Variants in EXT1 observed in about 807,000 individuals in gnomAD.
The protein encoded by EXT1 is exostosin-1.
A neutral mutation model predicts 82.5 loss-of-function variants in EXT1; 20 were observed. That is an observed-to-expected ratio of 0.24 (90% CI 0.17 to 0.35). The LOEUF (loss-of-function observed/expected upper bound fraction) is 0.35, where lower values mean the gene tolerates loss of function less well. Ranked by LOEUF, EXT1 falls within the 10% of genes least tolerant of loss-of-function variation. The pLI is 1.00. For synonymous variants in EXT1, 348 were observed against 350.8 expected, an observed-to-expected ratio of 0.99 and a Z score of 0.09; for missense variants, 757 against 936.5, an observed-to-expected ratio of 0.81 and a Z score of 2.50.
At chr8:117,842,093 T>C (rs1233355195) in intron 1 of EXT1, among the ~76,000 whole-genome samples, 1 of 152,206 alleles carries the variant, frequency 6.6e-6, no homozygotes, top group Non-Finnish European at 1.5e-5. Flanking sequence ...ATAATTATGA[T>C]GCACCCTAAA....
intron 1 of EXT1, among the ~76,000 whole-genome samples, chr8:118,087,265 A>T (rs564462279): frequency 7.9e-5 from 12 of 152,212 alleles, no homozygotes; most frequent in Non-Finnish European, 1.6e-4. Flanking sequence ...ATTCCTAGAA[A>T]GGAGCCCAAC....
rs148696236 is a variant in EXT1 at position 117,951,427 on chromosome 8, G to A, written c.963-114226C>T. Reference sequence around the variant, plus strand: ...AAGACATTTCATATTTTGTAATTCAGTAACCACAGCACCAATTTCTGAGAT... The same window carrying A: ...AAGACATTTCATATTTTGTAATTCAATAACCACAGCACCAATTTCTGAGAT... On this transcript the variant is annotated intron_variant, in intron 1 of 10. Transcript: ENST00000378204. Among the ~76,000 whole-genome samples, 40 of 152,270 alleles carry A rather than the reference G, an allele frequency of 2.6e-4. No individual in the cohort carries two copies. The East Asian group carries it at 7.3e-3, about 28-fold the overall frequency.
intron 4 of EXT1, among the ~76,000 whole-genome samples, chr8:117,827,418 T>G (rs1425733841): frequency 6.6e-6 from 1 of 152,146 alleles, no homozygotes; most frequent in Non-Finnish European, 1.5e-5. Context: ...AACACTGGAA[T>G]GTGCTCTGGA....
At chr8:117,861,243 C>T (rs1260728384) in intron 1 of EXT1, among the ~76,000 whole-genome samples, 4 of 152,178 alleles carry the variant, frequency 2.6e-5, no homozygotes, top group Admixed American at 2.0e-4. Flanking sequence ...GCATCCTTTG[C>T]GAAGTCCATT....
intron 1 of EXT1, among the ~76,000 whole-genome samples, chr8:117,937,221 AGAG>A (rs1814182093): frequency 6.6e-6 from 1 of 152,234 alleles, no homozygotes; most frequent in South Asian, 2.1e-4. Context: ...CATTTCTTTA[AGAG>A]GATTGCACGA....
intron 1 of EXT1, among the ~76,000 whole-genome samples, chr8:118,013,734 T>A (rs1725444830): frequency 6.6e-6 from 1 of 152,224 alleles, no homozygotes; most frequent in South Asian, 2.1e-4. Flanking sequence ...GTATGTCAGA[T>A]AAACAACGAA....
At chr8:117,892,649 G>C (rs536057334) in intron 1 of EXT1, among the ~76,000 whole-genome samples, 1 of 152,338 alleles carries the variant, frequency 6.6e-6, no homozygotes, top group East Asian at 1.9e-4. Flanking sequence ...GTGGAGAAGA[G>C]TTTGTAGTTG....
At chr8:117,935,041 T>C (rs1462592927) in intron 1 of EXT1, among the ~76,000 whole-genome samples, 2 of 152,074 alleles carry the variant, frequency 1.3e-5, no homozygotes, top group Non-Finnish European at 2.9e-5. Context: ...GGCTTGAAAA[T>C]CCATTCTGTT....
intron 1 of EXT1, among the ~76,000 whole-genome samples, chr8:118,072,337 A>T (rs1817110403): frequency 6.6e-6 from 1 of 152,218 alleles, no homozygotes; most frequent in Non-Finnish European, 1.5e-5. Flanking sequence ...ATTCTGATTT[A>T]GGAAACTGAT....
rs577940738 is a variant in EXT1 at position 117,858,631 on chromosome 8, T to C, written c.963-21430A>G. Among the ~76,000 whole-genome samples, 11 of 149,974 alleles carry C rather than the reference T, an allele frequency of 7.3e-5. No homozygotes were observed. The South Asian group carries it at 1.1e-3, about 14-fold the overall frequency. On this transcript the variant is annotated intron_variant, in intron 1 of 10. Coordinates refer to ENST00000378204, the MANE Select transcript of EXT1 (RefSeq NM_000127.3). ...AGGCGGAAGTTGCAGTGAGCTGAGATTGTGCCATTGCGCTCCAGCCTGGGT... is the reference window on the plus strand; with the variant it reads ...AGGCGGAAGTTGCAGTGAGCTGAGACTGTGCCATTGCGCTCCAGCCTGGGT...
chr8:117,984,423 C>T (rs1051815004), intron 1 of EXT1, among the ~76,000 whole-genome samples: 8 of 144,318 alleles, frequency 5.5e-5, no homozygotes, highest in Admixed American at 1.4e-4. Context: ...AGTGAAACTC[C>T]GTCTCAAAAA....
rs114617951 is a variant in EXT1, at chr8:117,935,742, G to A, written c.963-98541C>T. Among the ~76,000 whole-genome samples the A allele has an allele frequency of 8.9e-3, 1,349 of 152,142 alleles. 25 individuals are homozygous for A. The highest frequency in any genetic ancestry group is 0.031 in the African/African-American group (1,280 of 41,486). On this transcript the variant is annotated intron_variant, in intron 1 of 10. Coordinates refer to ENST00000378204, the MANE Select transcript of EXT1 (RefSeq NM_000127.3). ...TATTCCAATGCAAATATGTATTTCT[G>A]TAAAATTATTATTTTTATTTTAATT...
At chr8:117,807,826 T>A (rs569517282) in intron 8 of EXT1, among the ~76,000 whole-genome samples, 1 of 151,646 alleles carries the variant, frequency 6.6e-6, no homozygotes, top group South Asian at 2.1e-4. Flanking sequence ...CCAAAGTGCC[T>A]AAAATAAAAG....
intron 4 of EXT1, among the ~76,000 whole-genome samples, chr8:117,823,607 C>T (rs146630830): frequency 1.3e-5 from 2 of 151,748 alleles, no homozygotes; most frequent in Non-Finnish European, 2.9e-5. Context: ...ATTTTAAGTA[C>T]AGACTATTTT....
chr8:118,011,351 A>G (rs1170050534), intron 1 of EXT1, among the ~76,000 whole-genome samples: 3 of 152,218 alleles, frequency 2.0e-5, no homozygotes, highest in Non-Finnish European at 4.4e-5. Context: ...CGTAGTAGGC[A>G]CCCACTAACC....
At chr8:117,932,394 T>C (rs1399008934) in intron 1 of EXT1, among the ~76,000 whole-genome samples, 4 of 152,150 alleles carry the variant, frequency 2.6e-5, no homozygotes, top group Non-Finnish European at 5.9e-5. Flanking sequence ...TTTTGAGGAA[T>C]TAAAAACTGC....
rs1347684817 is a variant in EXT1, at chr8:117,975,586, C to T, written c.962+134499G>A. ...TCTGATTCTGATGCCCTCATTCATG[C>T]TCTCTCATCACCACCCCCCACTCCC... is the stretch of plus-strand genomic sequence containing the variant. On this transcript the variant is annotated intron_variant, in intron 1 of 10. Coordinates refer to ENST00000378204, the MANE Select transcript of EXT1 (RefSeq NM_000127.3). 2.0e-5 allele frequency among the ~76,000 whole-genome samples: 3 copies of T among 152,234 alleles called. 1 individual carries two copies. The highest frequency in any genetic ancestry group is 4.1e-4 in the South Asian group (2 of 4,820).
chr8:117,883,942 T>C (rs969829866), intron 1 of EXT1, among the ~76,000 whole-genome samples: 3 of 152,222 alleles, frequency 2.0e-5, no homozygotes, highest in African/African-American at 7.2e-5. Context: ...GACTTCTGCC[T>C]TCACATTTGT....
intron 1 of EXT1, among the ~76,000 whole-genome samples, chr8:117,891,805 CTTTTTTTTT>C (rs33967253): frequency 2.5e-5 from 3 of 121,034 alleles, no homozygotes; most frequent in South Asian, 5.6e-4. Flanking sequence ...TTTTTTCTTG[CTTTTTTTTT>C]TTTTTTTTTT....
Sources: gnomAD v4.1 joint callset for allele counts (sites outside exome capture counted in the v4.1 genomes callset) on GRCh38, gnomAD v4.1.1 for gene constraint, MANE v1.5 for transcripts, NCBI Gene and HGNC (gene_info 2026-07-23, HGNC 2026-07-21) for gene names.